The following AK5 variants were observed in gnomAD, a reference collection of about 807,000 sequenced individuals.
The protein encoded by AK5 is adenylate kinase 5.
In AK5, 27 loss-of-function variants were observed where a neutral mutation model predicts 69.5. That is an observed-to-expected ratio of 0.39 (90% CI 0.29 to 0.54). The LOEUF is 0.54. Among genes scored for constraint, AK5 ranks in the 20% least tolerant of loss-of-function variants. The pLI, the probability that AK5 is intolerant of heterozygous loss-of-function variation, is 0.71. For synonymous variants in AK5, 260 were observed against 244.4 expected (o/e 1.06, Z -0.60); for missense variants, 531 against 700.4 (o/e 0.76, Z 2.73).
chr1:77,320,053 G>T (rs1033825724), intron 5 of AK5, among the ~76,000 whole-genome samples: 3 of 152,168 alleles, frequency 2.0e-5, no homozygotes, highest in African/African-American at 4.8e-5. Flanking sequence ...GCATGGTTGG[G>T]GAAGCCTCAG....
At chr1:77,551,537 G>C (rs1337455774) in intron 13 of AK5, among the ~76,000 whole-genome samples, 2 of 152,132 alleles carry the variant, frequency 1.3e-5, no homozygotes, top group Non-Finnish European at 2.9e-5. Flanking sequence ...AAAATGAGGA[G>C]GGGGATTGGG....
intron 6 of AK5, among the ~76,000 whole-genome samples, chr1:77,366,697 C>T (rs1038390976): frequency 1.3e-5 from 2 of 152,112 alleles, no homozygotes; most frequent in African/African-American, 4.8e-5. Context: ...GAACATGAAC[C>T]ATATGTCTTA....
intron 11 of AK5, among the ~76,000 whole-genome samples, chr1:77,520,922 C>T (rs1477583684): frequency 6.6e-6 from 1 of 152,186 alleles, no homozygotes; most frequent in East Asian, 1.9e-4. Flanking sequence ...AAGGGAATTC[C>T]TCCACTGGCA....
At chr1:77,364,076 A>T (rs1646910820) in intron 6 of AK5, among the ~76,000 whole-genome samples, 2 of 152,158 alleles carry the variant, frequency 1.3e-5, no homozygotes, top group African/African-American at 4.8e-5. Context: ...TACAAGAGCA[A>T]AAAAAGGAAA....
chr1:77,527,404 C>G (rs1023954346), intron 12 of AK5, among the ~76,000 whole-genome samples: 1 of 152,146 alleles, frequency 6.6e-6, no homozygotes, highest in Non-Finnish European at 1.5e-5. Flanking sequence ...AAAAAACTTC[C>G]TCTCCCACTG....
At chr1:77,323,787 C>T (rs561880706) in intron 5 of AK5, among the ~76,000 whole-genome samples, 3 of 152,090 alleles carry the variant, frequency 2.0e-5, no homozygotes, top group Non-Finnish European at 4.4e-5. Context: ...CATACATACA[C>T]GTGTGTGTAG....
chr1:77,346,604 C>T (rs1414924712), intron 6 of AK5, among the ~76,000 whole-genome samples: 1 of 152,140 alleles, frequency 6.6e-6, no homozygotes, highest in South Asian at 2.1e-4. Context: ...TCAAGCCATC[C>T]TCCCACCTTT....
chr1:77,541,987 C>T (rs2100373702), intron 13 of AK5, among the ~76,000 whole-genome samples: 1 of 152,214 alleles, frequency 6.6e-6, no homozygotes, highest in African/African-American at 2.4e-5. Flanking sequence ...GGACACGACA[C>T]TTGGTGCTGG....
In AK5 at chr1:77,386,977, A is replaced by C. The variant is rs145603797; in HGVS notation, c.892-24004A>C. Among the ~76,000 whole-genome samples the C allele has an allele frequency of 3.6e-4, 55 of 152,260 alleles. 1 individual carries two copies. The East Asian group carries it at 9.3e-3, about 26-fold the overall frequency. ...TTTTGTGTCTGGCTTATTTCACTCA[A>C]GATAACGACCTCCAGTTCTACCCAT... On this transcript the variant is annotated intron_variant, in intron 6 of 13. Transcript: ENST00000354567.
chr1:77,327,638 C>T (rs1660873897), intron 5 of AK5, among the ~76,000 whole-genome samples: 1 of 152,144 alleles, frequency 6.6e-6, no homozygotes, highest in South Asian at 2.1e-4. Context: ...CATAGCTCAC[C>T]CCACAGGTGT....
intron 6 of AK5, among the ~76,000 whole-genome samples, chr1:77,345,536 G>A (rs561957803): frequency 2.8e-4 from 42 of 152,164 alleles, no homozygotes; most frequent in African/African-American, 9.9e-4. Flanking sequence ...TTAATTTTAC[G>A]AAGTGAAGGC....
chr1:77,372,449 AG>A (rs1647138053), intron 6 of AK5, among the ~76,000 whole-genome samples: 1 of 152,244 alleles, frequency 6.6e-6, no homozygotes. Context: ...GGAAATTAAA[AG>A]AAGAGGCATC....
intron 6 of AK5, among the ~76,000 whole-genome samples, chr1:77,346,557 C>T (rs1350627544): frequency 2.6e-5 from 4 of 152,086 alleles, no homozygotes; most frequent in South Asian, 2.1e-4. Context: ...AGTGCAGTGG[C>T]GTGACCTCAG....
At chr1:77,537,573 A>G (rs2100361758) in intron 13 of AK5, among the ~76,000 whole-genome samples, 1 of 152,234 alleles carries the variant, frequency 6.6e-6, no homozygotes, top group South Asian at 2.1e-4. Context: ...GCTTTTGTCC[A>G]GGAACAAAAT....
chr1:77,298,165 G>T (rs929660506), intron 5 of AK5: 2 of 431,362 alleles, frequency 4.6e-6, no homozygotes, highest in Non-Finnish European at 8.1e-6. Flanking sequence ...ACTAATAATA[G>T]AATTCATTTT....
intron 5 of AK5, among the ~76,000 whole-genome samples, chr1:77,336,410 T>C (rs1661364013): frequency 6.6e-6 from 1 of 152,168 alleles, no homozygotes; most frequent in South Asian, 2.1e-4. Context: ...ATAACAACAC[T>C]GTTTGCATAA....
In AK5 at chr1:77,320,517, G is replaced by T. The variant is rs568843187; in HGVS notation, c.700-19860G>T. Among the ~76,000 whole-genome samples, 3 of 152,260 alleles carry T rather than the reference G, an allele frequency of 2.0e-5. No individual in the cohort carries two copies. In the East Asian group the frequency reaches 5.8e-4, roughly 29 times the overall value. On this transcript the variant is annotated intron_variant, in intron 5 of 13. Transcript: ENST00000354567. ...TAATCTCACCACTTTGGGAGGCTGA[G>T]GCAGGTGGGTCACCTGAGGTCAGGA...
intron 7 of AK5, among the ~76,000 whole-genome samples, chr1:77,411,588 G>A (rs1650047007): frequency 6.6e-6 from 1 of 152,070 alleles, no homozygotes; most frequent in Non-Finnish European, 1.5e-5. Context: ...AATGTAGGCA[G>A]TACTCATGGT....
At position 77,282,354 on chromosome 1, in the gene AK5, A is replaced by G; in HGVS notation, c.41A>G (p.Glu14Gly). The change falls in exon 1 of 14, where the codon GAA becomes GGA. Residue 14 changes from glutamate (E) to glycine (G), a missense_variant. By Grantham distance (98) the Glu-to-Gly change is moderately conservative. Coordinates refer to ENST00000354567, the MANE Select transcript of AK5 (RefSeq NM_174858.3). ...NDAKEYLARREIPQLFESLLN... is the reference protein window; with the variant it reads ...NDAKEYLARRGIPQLFESLLN... ...GCCAAGGAGTATCTGGCCCGGAGGG[A>G]AATCCCTCAGCTTTTTGAGGTAGGG... 6.4e-7 allele frequency: 1 copy of G among 1,557,588 alleles called. No individual in the cohort carries two copies. Among genetic ancestry groups the G allele is most frequent in the South Asian group, 1.2e-5 (1 of 83,324 alleles).
Sources: allele counts gnomAD v4.1 joint callset (sites outside exome capture counted in the v4.1 genomes callset), GRCh38; gene constraint gnomAD v4.1.1; transcripts MANE v1.5; gene names NCBI Gene and HGNC (gene_info 2026-07-23, HGNC 2026-07-21).